The following CNTD1 variants were observed in gnomAD, a reference collection of about 807,000 sequenced individuals.
CNTD1 encodes the protein cyclin N-terminal domain-containing protein 1.
In CNTD1, 17 loss-of-function variants were observed where a neutral mutation model predicts 36.3. That is an observed-to-expected ratio of 0.47 (90% confidence interval 0.32 to 0.70). The LOEUF (loss-of-function observed/expected upper bound fraction) is 0.70, where lower values mean the gene tolerates loss of function less well. CNTD1 is among the 30% of genes least tolerant of loss of function. The probability of loss-of-function intolerance (pLI) is 0.03; values close to 1 mark genes in which losing one functional copy is unlikely to be tolerated. For missense variants in CNTD1, 338 were observed against 386.1 expected (o/e 0.88, Z 1.04); for synonymous variants, 128 against 153.3 (o/e 0.83, Z 1.22).
In CNTD1 at chr17:42,804,411, T is replaced by G. The variant is rs780662009; in HGVS notation, c.417+15T>G. 6.0e-5 allele frequency: 97 copies of G among 1,610,458 alleles called. No individual in the cohort carries two copies. Among genetic ancestry groups the G allele is most frequent in the Non-Finnish European group, 7.8e-5 (92 of 1,177,860 alleles). The stretch of plus-strand genomic sequence containing the variant: ...TCCGAAACAAAGTAAGGAGCTGGGG[T>G]TGCTCATGGGCACCTGAGTGTTAGG... On this transcript the variant is annotated intron_variant, in intron 3 of 6. Coordinates refer to ENST00000588408, the MANE Select transcript of CNTD1 (RefSeq NM_173478.3).
intron 1 of CNTD1, among the ~76,000 whole-genome samples, chr17:42,800,695 G>A (rs2054765185): frequency 6.6e-6 from 1 of 152,176 alleles, no homozygotes; most frequent in Non-Finnish European, 1.5e-5. Flanking sequence ...GAGATGGGAT[G>A]TAGGCAGACA....
At chr17:42,802,767 A>G (rs1352064045) in intron 1 of CNTD1, among the ~76,000 whole-genome samples, 2 of 152,240 alleles carry the variant, frequency 1.3e-5, no homozygotes, top group East Asian at 1.9e-4. Context: ...CTACGGATCA[A>G]TGCTAAAAGG....
chr17:42,806,768 G>T lies in CNTD1; in HGVS notation c.675G>T (p.Glu225Asp), dbSNP rs961302653. The T allele has an allele frequency of 1.2e-6, 2 of 1,613,994 alleles. No homozygotes were observed. Among genetic ancestry groups the T allele is most frequent in the African/African-American group, 2.7e-5 (2 of 74,904 alleles). ...LVYLLHEPIY[E>D]SLLRASIENS... ...ATCTTCTGCATGAACCCATATATGAGAGCCTGTTGAGGGCTTCAATTGAGA... is the reference window on the plus strand; with the variant it reads ...ATCTTCTGCATGAACCCATATATGATAGCCTGTTGAGGGCTTCAATTGAGA... Residue 225 changes from glutamate (E) to aspartate (D), a missense_variant, in exon 5 of 7, where the codon GAG (glutamate) becomes GAT (aspartate). Coordinates refer to ENST00000588408, the MANE Select transcript of CNTD1 (RefSeq NM_173478.3).
rs770820139 is a variant in CNTD1 at position 42,803,690 on chromosome 17, A to G, written c.240A>G (p.Leu80=). The G allele has an allele frequency of 6.2e-7, 1 of 1,613,338 alleles. No individual in the cohort carries two copies. ...KSVSYQAVEI[L]ERFMVKQAEN... ...TGAGCTACCAGGCTGTAGAAATCCT[A>G]GAAAGGTAAAGCCCTGGCATAATGC... The change falls in exon 2 of 7, where the codon CTA becomes CTG. Residue 80 remains leucine, a synonymous_variant. Coordinates refer to ENST00000588408, the MANE Select transcript of CNTD1 (RefSeq NM_173478.3).
Position 42,809,548 on chromosome 17 carries a change from C to A in CNTD1, c.*13C>A. 1 of 1,612,284 alleles carries A rather than the reference C, an allele frequency of 6.2e-7. No homozygotes were observed. The highest frequency in any genetic ancestry group is 1.1e-5 in the South Asian group (1 of 90,982). ...CTCTAACACATGAGGGAGGCTGAAT[C>A]CACCAAATATAAACAGCCATCCGTC... On this transcript the variant is annotated 3_prime_UTR_variant, in exon 7 of 7. Transcript: ENST00000588408.
intron 1 of CNTD1, among the ~76,000 whole-genome samples, chr17:42,800,201 A>C (rs1567659343): frequency 6.6e-6 from 1 of 152,222 alleles, no homozygotes; most frequent in East Asian, 1.9e-4. Context: ...TAGATAAGAG[A>C]CGTCAGAGAG....
chr17:42,801,547 AATATATGTGTGTG>A lies in CNTD1; in HGVS notation c.170-2072_170-2060del, dbSNP rs1567660323. 1.6e-4 allele frequency among the ~76,000 whole-genome samples: 9 copies of A among 55,920 alleles called. No homozygotes were observed. In the East Asian group the frequency reaches 3.3e-3, roughly 21 times the overall value. The allele number at this position is 55,920 out of a possible 152,430, so 36.7% of individuals were successfully genotyped here. A position where few individuals can be genotyped will look rare whatever the true frequency, so the allele number is the denominator to read the frequency against. On this transcript the variant is annotated intron_variant, in intron 1 of 6. Coordinates refer to ENST00000588408, the MANE Select transcript of CNTD1 (RefSeq NM_173478.3). ...TATATATATATATATATATATATATAATATATGTGTGTGTGTGTGTGTGTGTGTGTGTGTGTAT... is the reference window on the plus strand; with the variant it reads ...TATATATATATATATATATATATATATGTGTGTGTGTGTGTGTGTGTGTAT...
intron 1 of CNTD1, among the ~76,000 whole-genome samples, chr17:42,802,086 G>A (rs1473724713): frequency 6.6e-6 from 1 of 152,204 alleles, no homozygotes; most frequent in Non-Finnish European, 1.5e-5. Context: ...TGAAGTGGAA[G>A]CAGTGGGTGT....
chr17:42,806,597 C>A, intron 4 of CNTD1, 77 bp from the exon 5 acceptor site: 1 of 1,466,036 alleles, frequency 6.8e-7, no homozygotes, highest in Non-Finnish European at 9.5e-7. Flanking sequence ...ACCTCAACAG[C>A]TTTATGTCAC....
chr17:42,809,700 A>T lies in CNTD1; in HGVS notation c.*165A>T. 3.3e-6 allele frequency: 2 copies of T among 604,730 alleles called. No individual in the cohort carries two copies. The highest frequency in any genetic ancestry group is 2.8e-6 in the Non-Finnish European group (1 of 359,050). The allele number at this position is 604,730 out of a possible 1,614,324, so 37.5% of individuals were successfully genotyped here. On this transcript the variant is annotated 3_prime_UTR_variant, in exon 7 of 7. Transcript: ENST00000588408. The stretch of plus-strand genomic sequence containing the variant: ...CCTTTATCAGAGAGAGTTAAGGTGG[A>T]CGAGCATGCCCTTTTTGTCATATCA...
rs1464677286 is a variant in CNTD1 at position 42,810,175 on chromosome 17, A to C, written c.*640A>C. ...GCAAATCTTTTATTACAAATAATTAAATCTCTCCATAATGTCTCAAACAGT... is the reference window on the plus strand; with the variant it reads ...GCAAATCTTTTATTACAAATAATTACATCTCTCCATAATGTCTCAAACAGT... On this transcript the variant is annotated 3_prime_UTR_variant, in exon 7 of 7. Coordinates refer to ENST00000588408, the MANE Select transcript of CNTD1 (RefSeq NM_173478.3). The C allele has an allele frequency of 6.5e-6, 1 of 152,744 alleles. No individual in the cohort carries two copies. Among genetic ancestry groups the C allele is most frequent in the African/African-American group, 2.4e-5 (1 of 41,470 alleles). 9.5% of individuals were successfully genotyped at this position (152,744 alleles called of 1,614,324 possible). A position where few individuals can be genotyped will look rare whatever the true frequency, so the allele number is the denominator to read the frequency against.
intron 2 of CNTD1, 82 bp downstream of exon 2, chr17:42,803,777 T>G: frequency 3.5e-5 from 37 of 1,061,990 alleles, no homozygotes; most frequent in Middle Eastern, 2.1e-4. Flanking sequence ...GTATGAGTAG[T>G]TGCCCCTTAC....
chr17:42,811,132 G>A lies in CNTD1; in HGVS notation c.*1597G>A. 1 of 478,206 alleles carries A rather than the reference G, an allele frequency of 2.1e-6. No homozygotes were observed. Among genetic ancestry groups the A allele is most frequent in the South Asian group, 4.8e-5 (1 of 20,884 alleles). The allele number at this position is 478,206 out of a possible 1,614,324, so 29.6% of individuals were successfully genotyped here. On this transcript the variant is annotated 3_prime_UTR_variant, in exon 7 of 7. Coordinates refer to ENST00000588408, the MANE Select transcript of CNTD1 (RefSeq NM_173478.3). Reference sequence around the variant, plus strand: ...GCCTCATTGTCATTGCAGAGTACAGGGACAGGACACACACCCAAAGAGAAG... The same window carrying A: ...GCCTCATTGTCATTGCAGAGTACAGAGACAGGACACACACCCAAAGAGAAG...
intron 1 of CNTD1, among the ~76,000 whole-genome samples, chr17:42,801,525 A>G (rs1021025305): frequency 1.4e-5 from 1 of 72,990 alleles, no homozygotes; most frequent in Non-Finnish European, 2.4e-5. Context: ...ATATATATAT[A>G]TATATATATA....
intron 1 of CNTD1, among the ~76,000 whole-genome samples, chr17:42,800,838 A>G (rs1044062649): frequency 6.6e-6 from 1 of 152,162 alleles, no homozygotes; most frequent in Admixed American, 6.5e-5. Flanking sequence ...GGAAAACGTG[A>G]CTATGCTAAA....
chr17:42,801,186 CAA>C (rs1185539964), intron 1 of CNTD1, among the ~76,000 whole-genome samples: 5 of 74,156 alleles, frequency 6.7e-5, no homozygotes, highest in Admixed American at 1.5e-4. Flanking sequence ...CTCTGTCTCC[CAA>C]AAAAAAAAAA....
chr17:42,804,322 C>A lies in CNTD1; in HGVS notation c.343C>A (p.Gln115Lys), dbSNP rs1450585905. ...ESQNWRALKQQLVNKFTLRLV... is the reference protein window; with the variant it reads ...ESQNWRALKQKLVNKFTLRLV... ...TCAGAATTGGAGGGCTCTGAAACAG[C>A]AGCTTGTCAACAAGTTTACTCTCCG... is the stretch of plus-strand genomic sequence containing the variant. Residue 115 changes from glutamine (Q) to lysine (K), a missense_variant, in exon 3 of 7, where the codon CAG becomes AAG. By Grantham distance (53) the Gln-to-Lys change is moderately conservative (BLOSUM62 1). Coordinates refer to ENST00000588408, the MANE Select transcript of CNTD1 (RefSeq NM_173478.3). 2 of 1,614,052 alleles carry A rather than the reference C, an allele frequency of 1.2e-6. No homozygotes were observed. Among genetic ancestry groups the A allele is most frequent in the Admixed American group, 3.3e-5 (2 of 60,008 alleles).
Position 42,811,478 on chromosome 17 carries a change from G to T in CNTD1, c.*1943G>T. 1 of 680,284 alleles carries T rather than the reference G, an allele frequency of 1.5e-6. No individual in the cohort carries two copies. The highest frequency in any genetic ancestry group is 3.5e-5 in the Admixed American group (1 of 28,670). The allele number at this position is 680,284 out of a possible 1,614,324, so 42.1% of individuals were successfully genotyped here. A position where few individuals can be genotyped will look rare whatever the true frequency, so the allele number is the denominator to read the frequency against. Reference sequence around the variant, plus strand: ...ATTCTTCTACTCCAAGGACTAGGTGGTCACATTCTGTCCTGCTTGCAGTAC... The same window carrying T: ...ATTCTTCTACTCCAAGGACTAGGTGTTCACATTCTGTCCTGCTTGCAGTAC... On this transcript the variant is annotated 3_prime_UTR_variant, in exon 7 of 7. Transcript: ENST00000588408.
intron 3 of CNTD1, among the ~76,000 whole-genome samples, chr17:42,804,967 G>A (rs1376798927): frequency 6.6e-6 from 1 of 151,966 alleles, no homozygotes; most frequent in Non-Finnish European, 1.5e-5. Flanking sequence ...CACTCACACA[G>A]AGGCAGTTAT....
Sources: allele counts gnomAD v4.1 joint callset (sites outside exome capture counted in the v4.1 genomes callset), GRCh38; gene constraint gnomAD v4.1.1; transcripts MANE v1.5; gene names NCBI Gene and HGNC (gene_info 2026-07-23, HGNC 2026-07-21).